CPXM2: variants seen among roughly 807,000 people sequenced by gnomAD.
The protein encoded by CPXM2 is inactive carboxypeptidase-like protein X2.
In CPXM2, 66 loss-of-function variants were observed where a neutral mutation model predicts 86.1. That is an observed-to-expected ratio of 0.77 (90% CI 0.63 to 0.94). The LOEUF is 0.94. Among genes scored for constraint, CPXM2 ranks in the 40% least tolerant of loss-of-function variants. The probability of loss-of-function intolerance (pLI) is 0.00; values close to 1 mark genes in which losing one functional copy is unlikely to be tolerated. For missense variants in CPXM2, 948 were observed against 1,026.3 expected (o/e 0.92, Z 1.04); for synonymous variants, 388 against 400.2 (o/e 0.97, Z 0.36).
chr10:123,881,863 C>T (rs886132879), intron 1 of CPXM2, among the ~76,000 whole-genome samples: 1 of 152,202 alleles, frequency 6.6e-6, no homozygotes, highest in African/African-American at 2.4e-5. Flanking sequence ...TCTGGCTTTG[C>T]TCACTGCTCT....
At chr10:123,757,142 A>T in intron 12 of CPXM2, 71 bp downstream of exon 12, 1 of 1,429,088 alleles carries the variant, frequency 7.0e-7, no homozygotes, top group Non-Finnish European at 9.8e-7. Context: ...TCCATCCCAT[A>T]CTTTCAGCCA....
chr10:123,851,198 T>C (rs1011181336), intron 3 of CPXM2, among the ~76,000 whole-genome samples: 2 of 152,200 alleles, frequency 1.3e-5, no homozygotes, highest in Non-Finnish European at 2.9e-5. Flanking sequence ...CAATAGACCA[T>C]GTTCCCCACC....
chr10:123,907,761 C>A (rs2134267296), intron 2 of CPXM2, among the ~76,000 whole-genome samples: 1 of 131,850 alleles, frequency 7.6e-6, no homozygotes, highest in African/African-American at 2.9e-5. Flanking sequence ...CTGGACCCCG[C>A]AAGGCGCCCA....
rs59206856 is a variant in CPXM2 at position 123,747,921 on chromosome 10, CAAAAAA to C, written c.2018-910_2018-905del. 4.2e-5 allele frequency among the ~76,000 whole-genome samples: 3 copies of C among 72,028 alleles called. No individual in the cohort carries two copies. In the South Asian group the frequency reaches 1.7e-3, roughly 41 times the overall value. 47.3% of individuals were successfully genotyped at this position (72,028 alleles called of 152,430 possible). On this transcript the variant is annotated intron_variant, in intron 13 of 13. Transcript: ENST00000241305. ...TGGGCGACAGAGTGAGACTCTGTCT[CAAAAAA>C]AAAAAAAAAAAAAAGACAGGTTCTA...
intron 3 of CPXM2, chr10:123,843,243 T>C (rs971851414): frequency 8.8e-6 from 4 of 455,192 alleles, no homozygotes; most frequent in African/African-American, 4.0e-5. Context: ...CACACCACCA[T>C]GCCCTGCTCC....
intron 2 of CPXM2, among the ~76,000 whole-genome samples, chr10:123,915,953 C>G (rs1242800855): frequency 2.0e-5 from 3 of 152,202 alleles, no homozygotes; most frequent in African/African-American, 7.2e-5. Flanking sequence ...CTGAAACCAG[C>G]ACCTAGCACC....
At chr10:123,895,121 C>CTTTTTTTTTTTTTTTTTT (rs869104432), upstream of CPXM2, among the ~76,000 whole-genome samples, 6 of 85,892 alleles carry the variant, frequency 7.0e-5, no homozygotes, top group Admixed American at 1.8e-4. Flanking sequence ...TCTTTTTTTT[C>CTTTTTTTTTTTTTTTTTT]TTTTTTTTTT....
intron 2 of CPXM2, among the ~76,000 whole-genome samples, chr10:123,929,605 G>A (rs1945649896): frequency 6.6e-6 from 1 of 152,076 alleles, no homozygotes; most frequent in African/African-American, 2.4e-5. Context: ...TAGAGTGGGT[G>A]CTCTGGCCAG....
upstream of CPXM2, among the ~76,000 whole-genome samples, chr10:123,943,240 G>A (rs766179048): frequency 2.0e-5 from 3 of 152,074 alleles, no homozygotes; most frequent in South Asian, 6.2e-4. Context: ...TCACTAAATA[G>A]TAAGTTAAGT....
At chr10:123,848,277 TA>T (rs1244478076) in intron 3 of CPXM2, among the ~76,000 whole-genome samples, 1 of 152,192 alleles carries the variant, frequency 6.6e-6, no homozygotes, top group Non-Finnish European at 1.5e-5. Context: ...TATAAACCCA[TA>T]AAACTTTCCA....
At chr10:123,847,774 G>C (rs1848526728) in intron 3 of CPXM2, among the ~76,000 whole-genome samples, 1 of 152,160 alleles carries the variant, frequency 6.6e-6, no homozygotes, top group South Asian at 2.1e-4. Context: ...CATTTTTCAG[G>C]TATCTACAGA....
chr10:123,889,384 C>T (rs1441042721), intron 1 of CPXM2, among the ~76,000 whole-genome samples: 1 of 151,602 alleles, frequency 6.6e-6, no homozygotes, highest in East Asian at 1.9e-4. Context: ...TGTTTGTTAC[C>T]TTAACACCCC....
intron 7 of CPXM2, among the ~76,000 whole-genome samples, chr10:123,778,170 T>C (rs1846845577): frequency 1.3e-5 from 2 of 152,360 alleles, no homozygotes; most frequent in South Asian, 2.1e-4. Flanking sequence ...AGGTTTTCTA[T>C]TTTCACTTCT....
chr10:123,794,075 G>C (rs1847269279), intron 6 of CPXM2, among the ~76,000 whole-genome samples: 1 of 152,260 alleles, frequency 6.6e-6, no homozygotes, highest in African/African-American at 2.4e-5. Flanking sequence ...GAAGGATACA[G>C]TGTGTCACCT....
chr10:123,897,123 T>C (rs1446833809), intron 2 of CPXM2, among the ~76,000 whole-genome samples: 1 of 142,314 alleles, frequency 7.0e-6, no homozygotes, highest in Non-Finnish European at 1.5e-5. Flanking sequence ...TGGGCTTCCC[T>C]GAAACCCACT....
At chr10:123,788,956 C>T (rs1847138423) in intron 6 of CPXM2, among the ~76,000 whole-genome samples, 1 of 151,746 alleles carries the variant, frequency 6.6e-6, no homozygotes, top group South Asian at 2.1e-4. Context: ...TGCTTGGTCA[C>T]AAGAGATTTT....
chr10:123,754,654 T>G lies in CPXM2; in HGVS notation c.2017+9A>C. 6.9e-7 allele frequency: 1 copy of G among 1,444,078 alleles called. No individual in the cohort carries two copies. The highest frequency in any genetic ancestry group is 2.3e-5 in the East Asian group (1 of 44,126). 89.5% of individuals were successfully genotyped at this position (1,444,078 alleles called of 1,614,324 possible). A position where few individuals can be genotyped will look rare whatever the true frequency, so the allele number is the denominator to read the frequency against. On this transcript the variant is annotated intron_variant, in intron 13 of 13. Coordinates refer to ENST00000241305, the MANE Select transcript of CPXM2 (RefSeq NM_198148.3). The surrounding 1 kb of genome is among the most constrained non-coding windows in gnomAD (Gnocchi z 4.0). ...TACCAAGAGACAGTCTGCACACATT[T>G]GCAGTTACCTGTTCGGATGTCATGG...
At chr10:123,866,498 G>A (rs536320523) in intron 2 of CPXM2, among the ~76,000 whole-genome samples, 5 of 152,232 alleles carry the variant, frequency 3.3e-5, no homozygotes, top group African/African-American at 1.2e-4. Flanking sequence ...CTGGGAGGCG[G>A]AGGTTGCAGT....
intron 4 of CPXM2, among the ~76,000 whole-genome samples, chr10:123,837,987 G>C (rs1195975296): frequency 6.6e-6 from 1 of 152,148 alleles, no homozygotes; most frequent in African/African-American, 2.4e-5. Context: ...GAGTCTAGTA[G>C]ACCCATGAAG....
Sources: allele counts gnomAD v4.1 joint callset (sites outside exome capture counted in the v4.1 genomes callset), GRCh38; gene constraint gnomAD v4.1.1; non-coding constraint Gnocchi (gnomAD v3.1); transcripts MANE v1.5; gene names NCBI Gene and HGNC (gene_info 2026-07-23, HGNC 2026-07-21).